PFKM: variants seen among roughly 807,000 people sequenced by gnomAD.
PFKM encodes the protein ATP-dependent 6-phosphofructokinase, muscle type.
In PFKM, 58 loss-of-function variants were observed where a neutral mutation model predicts 95.5. That is an observed-to-expected ratio of 0.61 (90% CI 0.49 to 0.76). PFKM has a LOEUF of 0.76. Ranked by LOEUF, PFKM falls within the 30% of genes least tolerant of loss-of-function variation. PFKM has a pLI of 0.00. For synonymous variants in PFKM, 336 were observed against 357.2 expected (o/e 0.94, Z 0.67); for missense variants, 678 against 1,005.4 (o/e 0.67, Z 4.40).
Position 48,135,324 on chromosome 12 carries a change from G to T in PFKM, c.877G>T (p.Val293Phe), listed in dbSNP as rs1949970868. 1 of 1,614,140 alleles carries T rather than the reference G, an allele frequency of 6.2e-7. No individual in the cohort carries two copies. The highest frequency in any genetic ancestry group is 1.3e-5 in the African/African-American group (1 of 75,026). The change falls in exon 10 of 23, where the codon GTT becomes TTT. Residue 293 changes from valine to phenylalanine, a missense_variant. Transcript: ENST00000359794. ...TAAGCGTCTGGGATATGACACCCGG[G>T]TTACTGTCTTGGGGCATGTGCAGAG... Reference protein sequence around the residue: ...VVKRLGYDTRVTVLGHVQRGG... With the variant: ...VVKRLGYDTRFTVLGHVQRGG...
chr12:48,128,112 T>A (rs1949040665), intron 2 of PFKM, among the ~76,000 whole-genome samples: 1 of 152,248 alleles, frequency 6.6e-6, no homozygotes, highest in Non-Finnish European at 1.5e-5. Context: ...CCAAGAATAC[T>A]CTCCCTCAAA....
intron 3 of PFKM, among the ~76,000 whole-genome samples, chr12:48,112,761 T>G (rs1947321876): frequency 6.6e-6 from 1 of 152,098 alleles, no homozygotes; most frequent in Non-Finnish European, 1.5e-5. Context: ...TTGTCTGGTT[T>G]TTGGATAGGT....
intron 3 of PFKM, among the ~76,000 whole-genome samples, chr12:48,114,136 A>G (rs2107638): frequency 0.24 from 36,668 of 152,124 alleles, 4,809 homozygotes; most frequent in Non-Finnish European, 0.31. Flanking sequence ...GGTGTGGTTC[A>G]TGAAGCCAGC....
Position 48,130,347 on chromosome 12 carries a change from T to C in PFKM, c.86-16T>C. 1 of 1,608,502 alleles carries C rather than the reference T, an allele frequency of 6.2e-7. No homozygotes were observed. Among genetic ancestry groups the C allele is most frequent in the Non-Finnish European group, 8.5e-7 (1 of 1,174,822 alleles). ...AGGAGCAACCTCTCCGTGACTTCTT[T>C]TGTCCCTCCTTTCAGGTATGAATGC... is the stretch of plus-strand genomic sequence containing the variant. On this transcript the variant is annotated splice_polypyrimidine_tract_variant and intron_variant, in intron 2 of 22. Coordinates refer to ENST00000359794, the MANE Select transcript of PFKM (RefSeq NM_000289.6).
intron 17 of PFKM, chr12:48,142,430 G>A (rs1261405994): frequency 2.5e-5 from 11 of 431,622 alleles, no homozygotes; most frequent in Non-Finnish European, 8.6e-6. Context: ...CAGAGATCGT[G>A]CCACTTTACT....
rs996048674 is a variant in PFKM at position 48,113,767 on chromosome 12, G to C, written c.205+5573G>C. ...TATTATTGTACACCTTGAAGGCAAG[G>C]TTAATTGAGTCCTTTTGTGGGGTTT... On this transcript the variant is annotated intron_variant, in intron 3 of 24. Coordinates refer to the PFKM transcript ENST00000340802. Among the ~76,000 whole-genome samples, 5 of 152,292 alleles carry C rather than the reference G, an allele frequency of 3.3e-5. No individual in the cohort carries two copies. In the East Asian group the frequency reaches 9.6e-4, roughly 29 times the overall value.
intron 2 of PFKM, among the ~76,000 whole-genome samples, chr12:48,128,431 C>T (rs1949080013): frequency 6.6e-6 from 1 of 152,062 alleles, no homozygotes. Flanking sequence ...ACCAATAGAC[C>T]ATATTGTAAT....
intron 1 of PFKM, chr12:48,119,932 C>T (rs1948072487): frequency 6.6e-6 from 1 of 152,126 alleles, no homozygotes; most frequent in Non-Finnish European, 1.5e-5. Context: ...TTTTACAGGT[C>T]AGCACTCTTA....
intron 3 of PFKM, among the ~76,000 whole-genome samples, chr12:48,111,599 G>C (rs565897861): frequency 2.0e-5 from 3 of 152,348 alleles, no homozygotes; most frequent in African/African-American, 7.2e-5. Flanking sequence ...AATGATAGAT[G>C]TGGAAGATAC....
chr12:48,144,882 T>C, intron 20 of PFKM, 149 bp from the exon 21 acceptor site: 2 of 696,486 alleles, frequency 2.9e-6, no homozygotes. Flanking sequence ...TGGCACTGCC[T>C]CAGGGCACCC....
chr12:48,145,080 C>T lies in PFKM; in HGVS notation c.2042C>T (p.Ala681Val), dbSNP rs758048556. The stretch of plus-strand genomic sequence containing the variant: ...AGGAATTTTGCCACTAAGATGGGCG[C>T]CAAGGCTATGAACTGGATGTCTGGG... ...FDRNFATKMG[A>V]KAMNWMSGKI... The change falls in exon 21 of 23, where the codon GCC becomes GTC. Residue 681 changes from alanine (A) to valine (V), a missense_variant. Coordinates refer to ENST00000359794, the MANE Select transcript of PFKM (RefSeq NM_000289.6). This position sits in a 1 kb window ranked among gnomAD's most constrained non-coding sequence, Gnocchi z 4.3. 1.2e-6 allele frequency: 2 copies of T among 1,614,152 alleles called. No individual in the cohort carries two copies. The highest frequency in any genetic ancestry group is 1.7e-6 in the Non-Finnish European group (2 of 1,180,020).
chr12:48,119,327 A>G (rs1008443665), upstream of PFKM: 2 of 983,222 alleles, frequency 2.0e-6, no homozygotes, highest in African/African-American at 1.8e-5. Context: ...GCTCCTCCCC[A>G]TGTTCGTCCA....
chr12:48,139,903 G>A lies in PFKM; in HGVS notation c.1182G>A (p.Pro394=), dbSNP rs372189049. ...VYKLLAHVRP[P]VSKSGSHTVA... is the part of the protein sequence containing the mutation. ...AGCTTCTAGCTCATGTCAGACCCCC[G>A]GTATCTAAGGTACTGGCAAGTTGAC... Residue 394 remains proline, a synonymous_variant, in exon 13 of 23, where the codon CCG becomes CCA. Coordinates refer to ENST00000359794, the MANE Select transcript of PFKM (RefSeq NM_000289.6). 20 of 1,608,954 alleles carry A rather than the reference G, an allele frequency of 1.2e-5. No homozygotes were observed. The highest frequency in any genetic ancestry group is 8.8e-5 in the South Asian group (8 of 90,892).
chr12:48,107,736 G>T lies in PFKM; in HGVS notation c.82+281G>T, dbSNP rs1048434202. On this transcript the variant is annotated intron_variant, in intron 2 of 24. Transcript: ENST00000340802. ...CCCATGAGCTTGTCATTATTGTGTT[G>T]TTATGTGAATTACTTCGACCAGTCT... Among the ~76,000 whole-genome samples, 3 of 152,230 alleles carry T rather than the reference G, an allele frequency of 2.0e-5. No homozygotes were observed. In the East Asian group the frequency reaches 5.8e-4, roughly 29 times the overall value.
At chr12:48,126,080 T>C (rs1014262008) in intron 2 of PFKM, among the ~76,000 whole-genome samples, 1 of 152,218 alleles carries the variant, frequency 6.6e-6, no homozygotes, top group African/African-American at 2.4e-5. Context: ...TACGTGCTTA[T>C]GATGTTCTCC....
At chr12:48,107,431 T>G in exon 2 of PFKM, 1 of 1,598,210 alleles carries the variant, frequency 6.3e-7, no homozygotes, top group Non-Finnish European at 8.5e-7. Flanking sequence ...GTCTCGCCAG[T>G]TAGTCAGGAC....
chr12:48,117,187 G>A (rs565793958), upstream of PFKM, among the ~76,000 whole-genome samples: 37 of 152,188 alleles, frequency 2.4e-4, no homozygotes, highest in Middle Eastern at 3.4e-3. Flanking sequence ...TTTATTGATG[G>A]AAAATATTCC....
chr12:48,114,723 A>T (rs1947519875), upstream of PFKM, among the ~76,000 whole-genome samples: 1 of 152,194 alleles, frequency 6.6e-6, no homozygotes, highest in Admixed American at 6.5e-5. Flanking sequence ...ACAAAGTGTG[A>T]AAAATGCCTG....
At chr12:48,132,810 G>A (rs1339727631) in intron 4 of PFKM, 58 bp from the exon 5 acceptor site, 7 of 1,410,420 alleles carry the variant, frequency 5.0e-6, no homozygotes, top group Non-Finnish European at 6.9e-6. Context: ...TTGGAATAGG[G>A]GATATCTCAG....
Sources: gnomAD v4.1 joint callset for allele counts (sites outside exome capture counted in the v4.1 genomes callset) on GRCh38, gnomAD v4.1.1 for gene constraint, Gnocchi (gnomAD v3.1) non-coding constraint, MANE v1.5 for transcripts, NCBI Gene and HGNC (gene_info 2026-07-23, HGNC 2026-07-21) for gene names.